The following DET1 variants were observed in gnomAD, a reference collection of about 807,000 sequenced individuals.
DET1 encodes the protein DET1 homolog.
A neutral mutation model predicts 43.7 loss-of-function variants in DET1; 22 were observed. That is an observed-to-expected ratio of 0.50 (90% CI 0.36 to 0.72). The LOEUF is 0.72. Among genes scored for constraint, DET1 ranks in the 30% least tolerant of loss-of-function variants. The probability of loss-of-function intolerance (pLI) is 0.00; values close to 1 mark genes in which losing one functional copy is unlikely to be tolerated. For missense variants in DET1, 713 were observed against 713.3 expected (o/e 1.00, Z 0.00); for synonymous variants, 315 against 266.2 (o/e 1.18, Z -1.79).
chr15:88,531,497 C>T lies in DET1; in HGVS notation c.209G>A (p.Arg70His), dbSNP rs761569485. ...GTCTGAAGAAAAAGCAATAAAGTAGCGTCCATCAGGTGAGAATTTACGCAA... is the reference window on the plus strand; with the variant it reads ...GTCTGAAGAAAAAGCAATAAAGTAGTGTCCATCAGGTGAGAATTTACGCAA... ...CFLRKFSPDG[R>H]YFIAFSSDQT... Residue 70 changes from arginine to histidine, a missense_variant, in exon 2 of 5, where the codon CGC (arginine) becomes CAC (histidine). Physicochemically the swap from Arg to His is conservative, Grantham distance 29 (BLOSUM62 0). Coordinates refer to ENST00000268148, the MANE Select transcript of DET1 (RefSeq NM_001144074.3). The surrounding 1 kb of genome is among the most constrained non-coding windows in gnomAD (Gnocchi z 6.2). The T allele has an allele frequency of 9.9e-6, 16 of 1,613,858 alleles. No individual in the cohort carries two copies. The highest frequency in any genetic ancestry group is 1.7e-5 in the Admixed American group (1 of 59,990).
chr15:88,545,189 C>A (rs552306872), intron 1 of DET1, among the ~76,000 whole-genome samples: 145 of 152,182 alleles, frequency 9.5e-4, no homozygotes, highest in African/African-American at 3.4e-3. Context: ...AAATTGTAAT[C>A]CTCTTACAAT....
chr15:88,506,075 G>A (rs1400083607), intron 7 of DET1, among the ~76,000 whole-genome samples: 1 of 152,140 alleles, frequency 6.6e-6, no homozygotes, highest in African/African-American at 2.4e-5. Context: ...CTAAAGAGGC[G>A]GGAGACCCTC....
intron 3 of DET1, among the ~76,000 whole-genome samples, chr15:88,522,516 T>TTTTTTTTTTTG (rs2056522483): frequency 7.4e-6 from 1 of 135,798 alleles, no homozygotes; most frequent in Non-Finnish European, 1.6e-5. Context: ...TTCCTGGTTT[T>TTTTTTTTTTTG]TTTTTTTTTT....
At chr15:88,506,312 TG>T (rs2056140788) in intron 7 of DET1, among the ~76,000 whole-genome samples, 1 of 152,208 alleles carries the variant, frequency 6.6e-6, no homozygotes, top group African/African-American at 2.4e-5. Flanking sequence ...AGGCTTCACA[TG>T]AAACTTATTC....
At chr15:88,532,493 C>T (rs1361344543) in intron 1 of DET1, among the ~76,000 whole-genome samples, 1 of 152,070 alleles carries the variant, frequency 6.6e-6, no homozygotes, top group Non-Finnish European at 1.5e-5. Flanking sequence ...CAAGGGCCTC[C>T]AAATACACAA....
Position 88,513,169 on chromosome 15 carries a change from A to C in DET1, c.1464-29T>G, listed in dbSNP as rs751607822. ...AAAAGAACAAGGACAGAGACAGAGA[A>C]AGAGGGGACAGGATTGATATTCACC... On this transcript the variant is annotated intron_variant, in intron 4 of 4. Transcript: ENST00000268148. The C allele has an allele frequency of 1.2e-5, 19 of 1,575,916 alleles. No homozygotes were observed. The East Asian group carries it at 3.9e-4, about 33-fold the overall frequency.
intron 1 of DET1, among the ~76,000 whole-genome samples, chr15:88,541,629 T>C (rs1040703681): frequency 9.9e-5 from 15 of 152,220 alleles, no homozygotes; most frequent in South Asian, 2.1e-4. Context: ...TAAAGGATCA[T>C]TGAATCCTAC....
intron 1 of DET1, among the ~76,000 whole-genome samples, chr15:88,540,019 T>C (rs920032129): frequency 1.3e-5 from 2 of 152,176 alleles, no homozygotes; most frequent in Non-Finnish European, 2.9e-5. Context: ...GGCTACTCTC[T>C]CATCTTAAAA....
chr15:88,503,871 G>A (rs1482882528), intron 8 of DET1: 2 of 152,150 alleles, frequency 1.3e-5, no homozygotes, highest in East Asian at 3.9e-4. Context: ...ATGGTGACAT[G>A]TACCTGTGGT....
At chr15:88,539,797 T>C (rs1171099311) in intron 1 of DET1, among the ~76,000 whole-genome samples, 1 of 152,230 alleles carries the variant, frequency 6.6e-6, no homozygotes, top group Non-Finnish European at 1.5e-5. Context: ...ATGGAAGTTG[T>C]GGGCATTTAG....
At chr15:88,515,169 T>C (rs1214965347) in intron 4 of DET1, among the ~76,000 whole-genome samples, 2 of 152,078 alleles carry the variant, frequency 1.3e-5, no homozygotes, top group African/African-American at 2.4e-5. Flanking sequence ...ATTTGGAGAA[T>C]GCTAGAGGAA....
chr15:88,530,957 A>C lies in DET1; in HGVS notation c.749T>G (p.Phe250Cys), dbSNP rs2056795485. ...GCGGCCAATGGTCCGCACATCAATGAAAGTGCCTTCAGGAGTCACCTGGAA... is the reference window on the plus strand; with the variant it reads ...GCGGCCAATGGTCCGCACATCAATGCAAGTGCCTTCAGGAGTCACCTGGAA... ...HVFQVTPEGTFIDVRTIGRFC... is the reference protein window; with the variant it reads ...HVFQVTPEGTCIDVRTIGRFC... The change falls in exon 2 of 5, where the codon TTC (phenylalanine) becomes TGC (cysteine). Residue 250 changes from phenylalanine to cysteine, a missense_variant. Transcript: ENST00000268148. 6.2e-7 allele frequency: 1 copy of C among 1,613,938 alleles called. No individual in the cohort carries two copies.
chr15:88,528,854 G>T (rs1457972734), intron 2 of DET1, among the ~76,000 whole-genome samples: 1 of 152,210 alleles, frequency 6.6e-6, no homozygotes, highest in African/African-American at 2.4e-5. Context: ...GGCTTTTGCA[G>T]TCACCTGCAA....
At chr15:88,539,387 G>C (rs972864136) in intron 1 of DET1, among the ~76,000 whole-genome samples, 2 of 151,158 alleles carry the variant, frequency 1.3e-5, no homozygotes, top group African/African-American at 4.9e-5. Context: ...GTCCCCTCAG[G>C]GGAAGTGACC....
chr15:88,506,074 C>T (rs994662699), intron 7 of DET1, among the ~76,000 whole-genome samples: 4 of 152,092 alleles, frequency 2.6e-5, no homozygotes, highest in East Asian at 1.9e-4. Context: ...ACTAAAGAGG[C>T]GGGAGACCCT....
At chr15:88,542,634 C>T (rs1271896405) in intron 1 of DET1, among the ~76,000 whole-genome samples, 2 of 152,018 alleles carry the variant, frequency 1.3e-5, no homozygotes, top group African/African-American at 4.8e-5. Flanking sequence ...AGGTTTTTGA[C>T]AATCGAGAGT....
downstream of DET1, among the ~76,000 whole-genome samples, chr15:88,507,865 C>T (rs1215260298): frequency 1.3e-5 from 2 of 152,220 alleles, no homozygotes; most frequent in Non-Finnish European, 2.9e-5. Flanking sequence ...CAATACCTGT[C>T]CACGGACTGT....
intron 2 of DET1, among the ~76,000 whole-genome samples, chr15:88,528,629 C>G (rs1037049277): frequency 2.0e-5 from 3 of 152,202 alleles, no homozygotes; most frequent in Non-Finnish European, 4.4e-5. Context: ...ATCTGCTCTG[C>G]CTAACAAGGA....
At position 88,523,847 on chromosome 15, in the gene DET1, T is replaced by C. The variant is rs538624363; in HGVS notation, c.1271+3752A>G. Among the ~76,000 whole-genome samples, 19 of 152,270 alleles carry C rather than the reference T, an allele frequency of 1.2e-4. No individual in the cohort carries two copies. The South Asian group carries it at 3.7e-3, about 30-fold the overall frequency. On this transcript the variant is annotated intron_variant, in intron 3 of 4. Transcript: ENST00000268148. ...CCCAAAGTGCCGAGATTGCAGCCTC[T>C]GCCCGGCCGCCACCCCGTCTGGGAA... is the stretch of plus-strand genomic sequence containing the variant.
Sources: allele counts gnomAD v4.1 joint callset (sites outside exome capture counted in the v4.1 genomes callset), GRCh38; gene constraint gnomAD v4.1.1; non-coding constraint Gnocchi (gnomAD v3.1); transcripts MANE v1.5; gene names NCBI Gene and HGNC (gene_info 2026-07-23, HGNC 2026-07-21).